Variants in DLG2 observed in about 807,000 individuals in gnomAD.
The protein encoded by DLG2 is disks large homolog 2.
DLG2 carries 45 observed loss-of-function variants against 132.5 expected under a neutral mutation model. The observed-to-expected ratio is 0.34, with a 90% CI of 0.27 to 0.44. DLG2 has a LOEUF of 0.44. Among genes scored for constraint, DLG2 ranks in the 20% least tolerant of loss-of-function variants. DLG2 has a pLI of 1.00. For missense variants in DLG2, 1,045 were observed against 1,196.9 expected, an observed-to-expected ratio of 0.87 and a Z score of 1.87; for synonymous variants, 424 against 419.6, an observed-to-expected ratio of 1.01 and a Z score of -0.13.
At chr11:83,512,402 A>G (rs890454992) in intron 21 of DLG2, among the ~76,000 whole-genome samples, 3 of 152,212 alleles carry the variant, frequency 2.0e-5, no homozygotes, top group African/African-American at 7.2e-5. Flanking sequence ...CCTGTTCAAG[A>G]AATAAGCAAT....
chr11:84,192,546 T>C (rs1282603300), intron 8 of DLG2, among the ~76,000 whole-genome samples: 2 of 152,002 alleles, frequency 1.3e-5, no homozygotes, highest in East Asian at 1.9e-4. Context: ...CTGGCTAACA[T>C]GGTGAAATCC....
At chr11:85,157,518 A>G (rs1156838094) in intron 4 of DLG2, among the ~76,000 whole-genome samples, 1 of 152,216 alleles carries the variant, frequency 6.6e-6, no homozygotes, top group Non-Finnish European at 1.5e-5. Context: ...GACTCTATAC[A>G]TAATACATTT....
chr11:85,559,714 GA>G (rs1309373300), intron 3 of DLG2, among the ~76,000 whole-genome samples: 6 of 151,730 alleles, frequency 4.0e-5, no homozygotes. Context: ...TTTAAGCACT[GA>G]AGTTGCTGTT....
upstream of DLG2, among the ~76,000 whole-genome samples, chr11:85,628,291 T>C (rs2082121099): frequency 6.6e-6 from 1 of 152,164 alleles, no homozygotes; most frequent in Non-Finnish European, 1.5e-5. Context: ...GCAGTAACAT[T>C]ACAACATTCG....
chr11:85,378,070 T>C lies in DLG2; in HGVS notation c.41-92705A>G, dbSNP rs534065988. Reference sequence around the variant, plus strand: ...TTTTTCTGGAATGTAGATTAATACATGACACTTCATTGAGCCACAGTAAAA... The same window carrying C: ...TTTTTCTGGAATGTAGATTAATACACGACACTTCATTGAGCCACAGTAAAA... On this transcript the variant is annotated intron_variant, in intron 3 of 27. Coordinates refer to ENST00000376104, the MANE Select transcript of DLG2 (RefSeq NM_001142699.3). 3.3e-5 allele frequency among the ~76,000 whole-genome samples: 5 copies of C among 152,188 alleles called. No individual in the cohort carries two copies. In the South Asian group the frequency reaches 6.2e-4, roughly 19 times the overall value.
At chr11:85,473,832 C>T (rs1487749987) in intron 3 of DLG2, among the ~76,000 whole-genome samples, 2 of 151,828 alleles carry the variant, frequency 1.3e-5, no homozygotes, top group African/African-American at 2.4e-5. Flanking sequence ...GAAGTCACAA[C>T]TTTCAAACCA....
At chr11:83,951,430 G>C (rs998669286) in intron 14 of DLG2, among the ~76,000 whole-genome samples, 3 of 152,012 alleles carry the variant, frequency 2.0e-5, no homozygotes, top group Non-Finnish European at 2.9e-5. Flanking sequence ...AAGCACTAGA[G>C]AGAAAAATAA....
intron 11 of DLG2, among the ~76,000 whole-genome samples, chr11:84,032,034 T>A (rs1394773003): frequency 6.6e-6 from 1 of 152,148 alleles, no homozygotes; most frequent in East Asian, 1.9e-4. Flanking sequence ...GATAAATGTG[T>A]GTGTTCTTAC....
chr11:85,577,918 A>G (rs2078256515), intron 3 of DLG2, among the ~76,000 whole-genome samples: 1 of 152,192 alleles, frequency 6.6e-6, no homozygotes, highest in Non-Finnish European at 1.5e-5. Flanking sequence ...ACCAATAAAA[A>G]GCCCAAATAG....
At chr11:85,613,053 G>A (rs117475253) in intron 2 of DLG2, among the ~76,000 whole-genome samples, 5,497 of 152,142 alleles carry the variant, frequency 0.036, 151 homozygotes, top group Admixed American at 0.052. Context: ...GATGCTGTCC[G>A]GCGTTTATAG....
intron 6 of DLG2, among the ~76,000 whole-genome samples, chr11:84,857,069 T>TTACCAA (rs1162593525): frequency 2.0e-5 from 3 of 149,720 alleles, no homozygotes; most frequent in Non-Finnish European, 4.4e-5. Context: ...ATTGGTAAAA[T>TTACCAA]TACCAATGGC....
At chr11:85,551,343 G>A (rs1462404912) in intron 3 of DLG2, among the ~76,000 whole-genome samples, 1 of 152,110 alleles carries the variant, frequency 6.6e-6, no homozygotes, top group Admixed American at 6.6e-5. Flanking sequence ...AAAAAACTGA[G>A]TTCAAAGTAG....
At chr11:85,181,254 A>G (rs1429648707) in intron 4 of DLG2, among the ~76,000 whole-genome samples, 1 of 151,616 alleles carries the variant, frequency 6.6e-6, no homozygotes, top group East Asian at 1.9e-4. Flanking sequence ...ATGTGTATAT[A>G]TGTGTATATA....
At chr11:84,258,367 T>C (rs973006237) in intron 7 of DLG2, among the ~76,000 whole-genome samples, 18 of 152,156 alleles carry the variant, frequency 1.2e-4, no homozygotes, top group African/African-American at 4.3e-4. Context: ...ATTCTATAAA[T>C]ATGAAAATGA....
chr11:85,021,187 C>T (rs902829439), intron 6 of DLG2: 1 of 1,027,398 alleles, frequency 9.7e-7, no homozygotes, highest in African/African-American at 1.6e-5. Flanking sequence ...AGCTTTTTCC[C>T]TTCGTGAGTT....
chr11:85,340,964 A>T (rs538287468), intron 3 of DLG2, among the ~76,000 whole-genome samples: 1 of 152,312 alleles, frequency 6.6e-6, no homozygotes, highest in South Asian at 2.1e-4. Flanking sequence ...ATCTAATTTT[A>T]TCTTTTTCAA....
chr11:84,436,301 C>T (rs1317779971), intron 7 of DLG2, among the ~76,000 whole-genome samples: 2 of 152,082 alleles, frequency 1.3e-5, no homozygotes, highest in African/African-American at 4.8e-5. Flanking sequence ...TCTTCTAAAG[C>T]TAAAAAAATT....
At chr11:83,665,687 G>C (rs2075371457) in intron 18 of DLG2, among the ~76,000 whole-genome samples, 1 of 152,152 alleles carries the variant, frequency 6.6e-6, no homozygotes, top group Non-Finnish European at 1.5e-5. Context: ...CATTCCGTAT[G>C]TTCTAGAGAA....
At chr11:84,035,204 T>G (rs2095828840) in intron 11 of DLG2, among the ~76,000 whole-genome samples, 1 of 152,168 alleles carries the variant, frequency 6.6e-6, no homozygotes. Context: ...AATGACAGAA[T>G]TCTTTCCTAT....
Sources: allele counts gnomAD v4.1 joint callset (sites outside exome capture counted in the v4.1 genomes callset), GRCh38; gene constraint gnomAD v4.1.1; transcripts MANE v1.5; gene names NCBI Gene and HGNC (gene_info 2026-07-23, HGNC 2026-07-21).